The following NTNG1 variants were observed in gnomAD, a reference collection of about 807,000 sequenced individuals.
NTNG1 encodes the protein netrin G1, also known as netrin-G1.
In NTNG1, 16 loss-of-function variants were observed where a neutral mutation model predicts 54.0. The observed-to-expected ratio is 0.30, with a 90% CI of 0.20 to 0.45. The LOEUF is 0.45. Ranked by LOEUF, NTNG1 falls within the 20% of genes least tolerant of loss-of-function variation. The pLI, the probability that NTNG1 is intolerant of heterozygous loss-of-function variation, is 1.00. For missense variants in NTNG1, 530 were observed against 678.7 expected, an observed-to-expected ratio of 0.78 and a Z score of 2.43; for synonymous variants, 255 against 263.1, an observed-to-expected ratio of 0.97 and a Z score of 0.30.
At chr1:107,402,773 T>A (rs1673122664) in intron 4 of NTNG1, among the ~76,000 whole-genome samples, 1 of 152,158 alleles carries the variant, frequency 6.6e-6, no homozygotes, top group Non-Finnish European at 1.5e-5. Flanking sequence ...TTACTCATTA[T>A]CTGCGTTTTC....
At chr1:107,268,100 T>G (rs1194266034) in intron 2 of NTNG1, among the ~76,000 whole-genome samples, 1 of 152,234 alleles carries the variant, frequency 6.6e-6, no homozygotes, top group African/African-American at 2.4e-5. Flanking sequence ...ACATCATTTC[T>G]GCAGATATGT....
At chr1:107,434,313 G>A (rs1675464561) in intron 6 of NTNG1, among the ~76,000 whole-genome samples, 1 of 152,158 alleles carries the variant, frequency 6.6e-6, no homozygotes, top group African/African-American at 2.4e-5. Flanking sequence ...AGTGATTGCT[G>A]CTTTGTAATT....
intron 2 of NTNG1, among the ~76,000 whole-genome samples, chr1:107,195,096 T>C (rs1238444074): frequency 1.3e-5 from 2 of 152,018 alleles, no homozygotes; most frequent in Admixed American, 1.3e-4. Flanking sequence ...GAAAATGTAA[T>C]GAAAAATGCA....
chr1:107,298,173 TAAA>T (rs1666096245), intron 2 of NTNG1, among the ~76,000 whole-genome samples: 1 of 152,126 alleles, frequency 6.6e-6, no homozygotes, highest in African/African-American at 2.4e-5. Context: ...ATTCTGGGGA[TAAA>T]AAGACCCCAA....
intron 3 of NTNG1, among the ~76,000 whole-genome samples, chr1:107,367,806 G>A (rs553516757): frequency 6.6e-6 from 1 of 151,928 alleles, no homozygotes; most frequent in Non-Finnish European, 1.5e-5. Context: ...TCTGTTGCCA[G>A]GCTGGAGTGC....
At chr1:107,361,459 A>G (rs1670300904) in intron 3 of NTNG1, among the ~76,000 whole-genome samples, 1 of 140,838 alleles carries the variant, frequency 7.1e-6, no homozygotes, top group African/African-American at 2.6e-5. Context: ...GCGTGATCTC[A>G]GCTCACTGCA....
intron 5 of NTNG1, among the ~76,000 whole-genome samples, chr1:107,415,211 A>G (rs1001012624): frequency 6.6e-6 from 1 of 152,142 alleles, no homozygotes; most frequent in Non-Finnish European, 1.5e-5. Flanking sequence ...GCCATTTACA[A>G]GCATATCGTG....
intron 2 of NTNG1, among the ~76,000 whole-genome samples, chr1:107,298,630 C>G (rs1051211236): frequency 6.6e-6 from 1 of 152,150 alleles, no homozygotes. Flanking sequence ...AACTTTTCCT[C>G]CCGCTTATTT....
chr1:107,465,617 T>C lies in NTNG1; in HGVS notation c.1391-14994T>C, dbSNP rs139726197. 1.2e-4 allele frequency among the ~76,000 whole-genome samples: 19 copies of C among 152,280 alleles called. No individual in the cohort carries two copies. In the East Asian group the frequency reaches 3.7e-3, roughly 29 times the overall value. Reference sequence around the variant, plus strand: ...AAATTTCCATGGTGGGGGTTGTCCATGAGCAAGATCTTAAAGAATGGGTGG... The same window carrying C: ...AAATTTCCATGGTGGGGGTTGTCCACGAGCAAGATCTTAAAGAATGGGTGG... On this transcript the variant is annotated intron_variant, in intron 7 of 7. Coordinates refer to ENST00000370068, the MANE Select transcript of NTNG1 (RefSeq NM_001113226.3).
In NTNG1 at chr1:107,484,770, C is replaced by T. The variant is rs1055463846; in HGVS notation, c.*3930C>T. 1.3e-5 allele frequency among the ~76,000 whole-genome samples: 2 copies of T among 152,256 alleles called. No homozygotes were observed. Among genetic ancestry groups the T allele is most frequent in the East Asian group, 3.9e-4 (2 of 5,178 alleles). ...TTGTTCCATCTCCTTCACCCTCTACCATCAATAATCCAGTATGATTGGGAT... is the reference window on the plus strand; with the variant it reads ...TTGTTCCATCTCCTTCACCCTCTACTATCAATAATCCAGTATGATTGGGAT... On this transcript the variant is annotated 3_prime_UTR_variant, in exon 8 of 8. Coordinates refer to ENST00000370068, the MANE Select transcript of NTNG1 (RefSeq NM_001113226.3).
At chr1:107,405,631 A>G (rs1434655685) in intron 4 of NTNG1, among the ~76,000 whole-genome samples, 1 of 152,120 alleles carries the variant, frequency 6.6e-6, no homozygotes, top group Admixed American at 6.6e-5. Context: ...GTATGGTGCC[A>G]AACACCCTGA....
intron 3 of NTNG1, among the ~76,000 whole-genome samples, chr1:107,385,872 G>C (rs896090434): frequency 1.3e-5 from 2 of 149,454 alleles, no homozygotes; most frequent in African/African-American, 4.9e-5. Flanking sequence ...GTGGTTTTTA[G>C]TATATTCAAA....
chr1:107,372,331 C>A (rs1244177183), intron 3 of NTNG1, among the ~76,000 whole-genome samples: 1 of 151,660 alleles, frequency 6.6e-6, no homozygotes, highest in Non-Finnish European at 1.5e-5. Context: ...AAATTTCCTC[C>A]CTAAGTACTG....
At chr1:107,149,517 A>G (rs1460764460) in intron 2 of NTNG1, among the ~76,000 whole-genome samples, 2 of 152,220 alleles carry the variant, frequency 1.3e-5, no homozygotes, top group African/African-American at 4.8e-5. Flanking sequence ...AGGACTCAGC[A>G]TATACAAATT....
intron 2 of NTNG1, among the ~76,000 whole-genome samples, chr1:107,266,617 T>C (rs1373745271): frequency 7.6e-6 from 1 of 131,344 alleles, no homozygotes; most frequent in South Asian, 2.3e-4. Context: ...AGCAACATTG[T>C]TTTTTTTTTT....
intron 3 of NTNG1, among the ~76,000 whole-genome samples, chr1:107,377,025 G>T (rs906776587): frequency 6.6e-6 from 1 of 152,224 alleles, no homozygotes; most frequent in Non-Finnish European, 1.5e-5. Context: ...AGATTAAAGT[G>T]CCCTGAGCCT....
intron 3 of NTNG1, among the ~76,000 whole-genome samples, chr1:107,380,834 C>T (rs1038901351): frequency 2.6e-5 from 4 of 152,156 alleles, no homozygotes; most frequent in African/African-American, 9.7e-5. Context: ...GTCCTGGTTC[C>T]TTTCCTCCAC....
At chr1:107,443,846 A>C (rs1676136265) in intron 7 of NTNG1, among the ~76,000 whole-genome samples, 1 of 152,108 alleles carries the variant, frequency 6.6e-6, no homozygotes, top group South Asian at 2.1e-4. Flanking sequence ...TAGCACCTTG[A>C]ACACAGCATC....
intron 2 of NTNG1, among the ~76,000 whole-genome samples, chr1:107,229,463 C>A (rs1349294135): frequency 6.6e-6 from 1 of 151,504 alleles, no homozygotes; most frequent in Non-Finnish European, 1.5e-5. Context: ...TCCTGTCTTT[C>A]CAGAGCAGCT....
Sources: gnomAD v4.1 joint callset for allele counts (sites outside exome capture counted in the v4.1 genomes callset) on GRCh38, gnomAD v4.1.1 for gene constraint, MANE v1.5 for transcripts, NCBI Gene and HGNC (gene_info 2026-07-23, HGNC 2026-07-21) for gene names.